Variants in OPRM1 observed in about 807,000 individuals in gnomAD.
OPRM1 encodes mu-type opioid receptor.
In OPRM1, 27 loss-of-function variants were observed where a neutral mutation model predicts 31.8. The ratio of observed to expected loss-of-function variants is 0.85; its 90% CI spans 0.63 to 1.17. The LOEUF (loss-of-function observed/expected upper bound fraction) is 1.17, where lower values mean the gene tolerates loss of function less well. Among genes scored for constraint, OPRM1 ranks in the 50% most tolerant of loss-of-function variants. The pLI is 0.00. For missense variants in OPRM1, 536 were observed against 511.1 expected (o/e 1.05, Z -0.47); for synonymous variants, 196 against 189.9 (o/e 1.03, Z -0.26).
downstream of OPRM1, among the ~76,000 whole-genome samples, chr6:154,134,323 A>G (rs142427192): frequency 3.3e-5 from 5 of 152,348 alleles, no homozygotes; most frequent in East Asian, 9.6e-4. Context: ...CATGGGATAG[A>G]GTAAACAAAG....
intron 1 of OPRM1, among the ~76,000 whole-genome samples, chr6:154,054,367 CAAAAAAAAA>C (rs1194794442): frequency 4.5e-4 from 24 of 53,062 alleles, no homozygotes; most frequent in African/African-American, 1.5e-3. Flanking sequence ...GACTCCGTCT[CAAAAAAAAA>C]AAAAAAAAAA....
intron 1 of OPRM1, among the ~76,000 whole-genome samples, chr6:154,011,305 TC>T (rs1285868350): frequency 6.6e-6 from 1 of 152,150 alleles, no homozygotes; most frequent in South Asian, 2.1e-4. Context: ...ATTTCGGAGT[TC>T]CTATGGTGAC....
chr6:154,181,002 G>A, intron 3 of OPRM1, among the ~76,000 whole-genome samples: 1 of 152,156 alleles, frequency 6.6e-6, no homozygotes, highest in East Asian at 1.9e-4. Context: ...AGTCATTTGG[G>A]TATTTTGCAT....
intron 3 of OPRM1, chr6:154,199,846 T>C (rs140046520): frequency 5.6e-5 from 91 of 1,614,068 alleles, no homozygotes; most frequent in Admixed American, 5.0e-5. Flanking sequence ...GTGAATGAAC[T>C]TGCACAGCAA....
intron 1 of OPRM1, 75 bp from the exon 2 acceptor site, chr6:154,089,751 T>G (rs1016260277): frequency 9.7e-7 from 1 of 1,028,338 alleles, no homozygotes; most frequent in Non-Finnish European, 1.4e-6. Context: ...TCATGCAAAT[T>G]TATTATTGGA....
At chr6:154,166,715 G>A (rs560675362) in intron 3 of OPRM1, among the ~76,000 whole-genome samples, 3 of 152,224 alleles carry the variant, frequency 2.0e-5, no homozygotes, top group East Asian at 3.9e-4. Flanking sequence ...TACATAGTAA[G>A]AGTCAGGAAA....
chr6:154,138,428 G>A (rs559291775), intron 3 of OPRM1, among the ~76,000 whole-genome samples: 13 of 152,266 alleles, frequency 8.5e-5, no homozygotes, highest in African/African-American at 3.1e-4. Flanking sequence ...AGTATCTGGA[G>A]GTGGGACCTG....
intron 3 of OPRM1, among the ~76,000 whole-genome samples, chr6:154,232,784 C>T (rs1779820900): frequency 6.6e-6 from 1 of 151,938 alleles, no homozygotes; most frequent in Admixed American, 6.6e-5. Context: ...GCAGCTATAA[C>T]CAGCTTCTCC....
chr6:154,050,898 C>T (rs1437315252), intron 1 of OPRM1, among the ~76,000 whole-genome samples: 2 of 151,832 alleles, frequency 1.3e-5, no homozygotes, highest in Non-Finnish European at 2.9e-5. Flanking sequence ...ACTACATAGC[C>T]ACAAAAAACA....
intron 3 of OPRM1, among the ~76,000 whole-genome samples, chr6:154,180,414 A>ATATATATATATT (rs1241250621): frequency 1.1e-4 from 7 of 65,266 alleles, no homozygotes; most frequent in African/African-American, 3.4e-4. Flanking sequence ...ATATATATAT[A>ATATATATATATT]TTTTTTTTTT....
At chr6:154,060,055 G>A (rs1164988896) in intron 1 of OPRM1, among the ~76,000 whole-genome samples, 1 of 152,146 alleles carries the variant, frequency 6.6e-6, no homozygotes. Flanking sequence ...AGGGGTTATA[G>A]CAAGATAATA....
At chr6:154,110,886 CAAAAA>C (rs374739553) in intron 3 of OPRM1, among the ~76,000 whole-genome samples, 13 of 63,604 alleles carry the variant, frequency 2.0e-4, no homozygotes, top group East Asian at 6.1e-4. Flanking sequence ...GACTCCGTCT[CAAAAA>C]AAAAAAAAAA....
In OPRM1 at chr6:154,119,279, T is replaced by G. The variant is rs1239165458; in HGVS notation, c.*558T>G. 2.0e-5 allele frequency: 20 copies of G among 985,406 alleles called. No individual in the cohort carries two copies. The highest frequency in any genetic ancestry group is 2.0e-5 in the Non-Finnish European group (17 of 829,888). The allele number at this position is 985,406 out of a possible 1,614,324, so 61.0% of individuals were successfully genotyped here. ...CTCCATTTCTTGGTTTTGTATTGTT[T>G]AAAAAAATAACATCTCTTTCATCTA... On this transcript the variant is annotated 3_prime_UTR_variant, in exon 4 of 4. Coordinates refer to ENST00000330432, the MANE Select transcript of OPRM1 (RefSeq NM_000914.5).
At chr6:154,215,514 G>A (rs985555395) in intron 3 of OPRM1, among the ~76,000 whole-genome samples, 2 of 152,098 alleles carry the variant, frequency 1.3e-5, no homozygotes, top group Admixed American at 1.3e-4. Context: ...TCTGAGGCAG[G>A]AGAATCACTT....
At chr6:154,198,463 G>T (rs1776800243) in intron 3 of OPRM1, among the ~76,000 whole-genome samples, 1 of 152,112 alleles carries the variant, frequency 6.6e-6, no homozygotes, top group African/African-American at 2.4e-5. Context: ...AATCTAGATA[G>T]TTGGCCTAAA....
rs536559176 is a variant in OPRM1, at chr6:154,176,438, CA to C, written c.1165-70251del. 5.9e-3 allele frequency among the ~76,000 whole-genome samples: 905 copies of C among 152,274 alleles called. 12 individuals are homozygous for C. Among genetic ancestry groups the C allele is most frequent in the African/African-American group, 0.021 (864 of 41,548 alleles). On this transcript the variant is annotated intron_variant, in intron 3 of 3. Coordinates refer to the OPRM1 transcript ENST00000337049. The stretch of plus-strand genomic sequence containing the variant: ...TTTAGAAAACCCCATCATCTCAGCC[CA>C]AAATCTCCTTAAGCTGATAAGCAAC...
chr6:154,017,684 TC>T (rs1304093366), intron 1 of OPRM1, among the ~76,000 whole-genome samples: 2 of 152,136 alleles, frequency 1.3e-5, no homozygotes, highest in Non-Finnish European at 2.9e-5. Flanking sequence ...CCATAAAGCC[TC>T]CCCAACACCT....
At chr6:154,066,519 C>A (rs1785432298) in intron 1 of OPRM1, among the ~76,000 whole-genome samples, 1 of 150,638 alleles carries the variant, frequency 6.6e-6, no homozygotes, top group South Asian at 2.1e-4. Context: ...ACCCTCCCAT[C>A]CCCCCCAAAA....
At chr6:154,138,869 G>A (rs747101681) in intron 3 of OPRM1, among the ~76,000 whole-genome samples, 1 of 152,192 alleles carries the variant, frequency 6.6e-6, no homozygotes, top group East Asian at 1.9e-4. Context: ...TAAGATCAAT[G>A]CTTGAGATGT....
Sources: gnomAD v4.1 joint callset for allele counts (sites outside exome capture counted in the v4.1 genomes callset) on GRCh38, gnomAD v4.1.1 for gene constraint, MANE v1.5 for transcripts, NCBI Gene and HGNC (gene_info 2026-07-23, HGNC 2026-07-21) for gene names.